The following PDE4D variants were observed in gnomAD, a reference collection of about 807,000 sequenced individuals.
PDE4D encodes 3',5'-cyclic-AMP phosphodiesterase 4D.
Under a neutral mutation model 87.4 loss-of-function variants are expected in PDE4D, and 24 were observed. The ratio of observed to expected loss-of-function variants is 0.27; its 90% CI spans 0.20 to 0.39. The LOEUF (loss-of-function observed/expected upper bound fraction) is 0.39. Among genes scored for constraint, PDE4D ranks in the 10% least tolerant of loss-of-function variants. The pLI is 1.00. For synonymous variants in PDE4D, 384 were observed against 383.2 expected, an observed-to-expected ratio of 1.00 and a Z score of -0.02; for missense variants, 714 against 1,041.0, an observed-to-expected ratio of 0.69 and a Z score of 4.32.
intron 3 of PDE4D, among the ~76,000 whole-genome samples, chr5:59,190,080 AGGAAACCATGATTT>A (rs1278372001): frequency 2.0e-5 from 3 of 152,186 alleles, no homozygotes; most frequent in Non-Finnish European, 4.4e-5. Flanking sequence ...TTCACGTCAA[AGGAAACCATGATTT>A]GGAAACCATG....
intron 1 of PDE4D, among the ~76,000 whole-genome samples, chr5:59,623,346 A>G (rs1005083105): frequency 5.9e-5 from 9 of 152,084 alleles, no homozygotes; most frequent in Admixed American, 1.3e-4. Flanking sequence ...CCTAGGCCAA[A>G]CTTTTTCTTC....
chr5:59,746,663 G>A lies in PDE4D; in HGVS notation c.455+146505C>T, dbSNP rs73758879. ...CAAACTCGCCAGCGTGACTCCTAGCGTTCAGTCTGTCATCAGCAAAATCTC... is the reference window on the plus strand; with the variant it reads ...CAAACTCGCCAGCGTGACTCCTAGCATTCAGTCTGTCATCAGCAAAATCTC... On this transcript the variant is annotated intron_variant, in intron 1 of 14. Transcript: ENST00000340635. 5.6e-3 allele frequency among the ~76,000 whole-genome samples: 847 copies of A among 151,808 alleles called. 4 individuals carry two copies. The highest frequency in any genetic ancestry group is 0.02 in the African/African-American group (819 of 41,384).
chr5:60,259,298 G>A lies in PDE4D; in HGVS notation c.-89-73611C>T, dbSNP rs560367069. 5.9e-5 allele frequency among the ~76,000 whole-genome samples: 9 copies of A among 152,208 alleles called. No individual in the cohort carries two copies. The East Asian group carries it at 1.7e-3, about 29-fold the overall frequency. On this transcript the variant is annotated intron_variant, in intron 1 of 16. Coordinates refer to the PDE4D transcript ENST00000502484. ...TAAATTTAATGAATTGAATTTGTAT[G>A]TACACAGTGGCATTGTACAAGGTGA... is the stretch of plus-strand genomic sequence containing the variant.
intron 1 of PDE4D, chr5:59,560,681 T>TA (rs1819826183): frequency 6.6e-6 from 1 of 152,250 alleles, no homozygotes. Flanking sequence ...CCAAGGGAGA[T>TA]AGAGATTGAG....
chr5:60,313,182 C>A (rs1027439154), intron 1 of PDE4D, among the ~76,000 whole-genome samples: 1 of 151,190 alleles, frequency 6.6e-6, no homozygotes, highest in African/African-American at 2.4e-5. Flanking sequence ...ACACCACTAG[C>A]TAGACAAACA....
intron 6 of PDE4D, among the ~76,000 whole-genome samples, chr5:59,032,333 G>A (rs559655269): frequency 5.3e-5 from 8 of 152,258 alleles, no homozygotes; most frequent in African/African-American, 1.9e-4. Flanking sequence ...CAAAATCCCA[G>A]CACTGTGGGA....
intron 5 of PDE4D, among the ~76,000 whole-genome samples, chr5:59,118,102 T>C (rs1355808109): frequency 6.6e-6 from 1 of 152,190 alleles, no homozygotes; most frequent in African/African-American, 2.4e-5. Context: ...GCACAGTGTG[T>C]GGTAAAAAGA....
At chr5:59,183,084 A>G (rs1386648639) in intron 4 of PDE4D, among the ~76,000 whole-genome samples, 1 of 152,192 alleles carries the variant, frequency 6.6e-6, no homozygotes, top group Admixed American at 6.5e-5. Context: ...TCATCATGTG[A>G]TGAGGCAGAG....
chr5:60,214,262 T>A (rs1248968192), intron 1 of PDE4D, among the ~76,000 whole-genome samples: 1 of 152,224 alleles, frequency 6.6e-6, no homozygotes, highest in Admixed American at 6.5e-5. Flanking sequence ...AACGGTGTCC[T>A]GAAATACACA....
chr5:59,299,485 A>C (rs1176429221), intron 1 of PDE4D, among the ~76,000 whole-genome samples: 2 of 152,132 alleles, frequency 1.3e-5, no homozygotes, highest in Non-Finnish European at 2.9e-5. Flanking sequence ...TAAACAACTA[A>C]TATTCCTTAT....
intron 1 of PDE4D, among the ~76,000 whole-genome samples, chr5:59,401,974 C>T (rs918758332): frequency 2.0e-5 from 3 of 152,188 alleles, no homozygotes; most frequent in Non-Finnish European, 4.4e-5. Context: ...ACATGTTCTG[C>T]CAACCACCCG....
chr5:59,752,628 G>A (rs1760639518), intron 1 of PDE4D, among the ~76,000 whole-genome samples: 1 of 152,028 alleles, frequency 6.6e-6, no homozygotes, highest in Non-Finnish European at 1.5e-5. Context: ...GCAGTGCTTG[G>A]AGACATTTTG....
chr5:59,556,473 A>G (rs1818937816), intron 1 of PDE4D, among the ~76,000 whole-genome samples: 1 of 152,186 alleles, frequency 6.6e-6, no homozygotes, highest in Non-Finnish European at 1.5e-5. Flanking sequence ...TACCTTGGGA[A>G]TTCTGCTTTG....
chr5:59,875,810 G>T (rs111353495), intron 1 of PDE4D, among the ~76,000 whole-genome samples: 24 of 152,228 alleles, frequency 1.6e-4, no homozygotes, highest in African/African-American at 5.8e-4. Flanking sequence ...TCTTATGCAG[G>T]GACATGAATG....
chr5:59,192,961 A>G (rs1744663996), intron 3 of PDE4D, among the ~76,000 whole-genome samples: 1 of 152,210 alleles, frequency 6.6e-6, no homozygotes, highest in South Asian at 2.1e-4. Context: ...ACTCTTTCAT[A>G]TTTATATTCC....
chr5:60,409,883 G>A (rs1741896270), intron 1 of PDE4D, among the ~76,000 whole-genome samples: 1 of 76,912 alleles, frequency 1.3e-5, no homozygotes, highest in Non-Finnish European at 2.3e-5. Flanking sequence ...AGTGTGAGAA[G>A]GAAAAGCAGG....
intron 6 of PDE4D, among the ~76,000 whole-genome samples, chr5:59,000,238 A>G (rs1206025035): frequency 6.6e-5 from 10 of 152,160 alleles, no homozygotes; most frequent in Admixed American, 6.5e-4. Flanking sequence ...AGAATTGCCC[A>G]TCCTTTTGGA....
chr5:60,009,693 T>C (rs1187987463), intron 2 of PDE4D, among the ~76,000 whole-genome samples: 1 of 152,114 alleles, frequency 6.6e-6, no homozygotes, highest in African/African-American at 2.4e-5. Flanking sequence ...GAAGCTCTGT[T>C]CACAGCATTT....
intron 1 of PDE4D, among the ~76,000 whole-genome samples, chr5:60,193,543 G>A (rs1416768442): frequency 2.6e-5 from 4 of 151,016 alleles, no homozygotes; most frequent in Non-Finnish European, 5.9e-5. Context: ...GGTGGCGGGC[G>A]CCTGTAGTCC....
Sources: gnomAD v4.1 joint callset for allele counts (sites outside exome capture counted in the v4.1 genomes callset) on GRCh38, gnomAD v4.1.1 for gene constraint, MANE v1.5 for transcripts, NCBI Gene and HGNC (gene_info 2026-07-23, HGNC 2026-07-21) for gene names.